The following SEMA3D variants were observed in gnomAD, a reference collection of about 807,000 sequenced individuals.
SEMA3D encodes the protein semaphorin-3D.
In SEMA3D, 84 loss-of-function variants were observed where a neutral mutation model predicts 100.1. The ratio of observed to expected loss-of-function variants is 0.84; its 90% CI spans 0.70 to 1.01. The LOEUF is 1.01. Among genes scored for constraint, SEMA3D ranks in the 50% least tolerant of loss-of-function variants. The pLI is 0.00. For synonymous variants in SEMA3D, 312 were observed against 320.7 expected (o/e 0.97, Z 0.29); for missense variants, 875 against 934.1 (o/e 0.94, Z 0.82).
At chr7:85,007,304 A>G (rs1435378481) in intron 17 of SEMA3D, among the ~76,000 whole-genome samples, 1 of 151,812 alleles carries the variant, frequency 6.6e-6, no homozygotes, top group Admixed American at 6.6e-5. Context: ...AATATAAACA[A>G]TTTTGTAGAT....
intron 2 of SEMA3D, among the ~76,000 whole-genome samples, chr7:85,136,918 G>A (rs368761866): frequency 1.4e-4 from 21 of 152,120 alleles, no homozygotes; most frequent in African/African-American, 4.8e-4. Flanking sequence ...TTATTTTCAG[G>A]AATTCAATTA....
intron 1 of SEMA3D, chr7:85,163,214 C>T (rs1583981053): frequency 6.6e-6 from 1 of 152,418 alleles, no homozygotes; most frequent in East Asian, 1.9e-4. Flanking sequence ...GTTCCACATT[C>T]TATCTTGACA....
intron 9 of SEMA3D, among the ~76,000 whole-genome samples, chr7:85,055,095 TC>T (rs1791271169): frequency 1.3e-5 from 2 of 152,062 alleles, no homozygotes; most frequent in Admixed American, 1.3e-4. Context: ...TCATTTTCTC[TC>T]AGAACCTAAA....
At chr7:85,016,131 TG>T (rs1790093210) in intron 15 of SEMA3D, among the ~76,000 whole-genome samples, 1 of 151,804 alleles carries the variant, frequency 6.6e-6, no homozygotes, top group African/African-American at 2.4e-5. Context: ...GTTTAGTATT[TG>T]TTTTACTGAA....
At chr7:85,032,232 A>G (rs376963469) in intron 12 of SEMA3D, among the ~76,000 whole-genome samples, 35 of 152,004 alleles carry the variant, frequency 2.3e-4, no homozygotes, top group African/African-American at 8.0e-4. Context: ...TATAATTTCA[A>G]TGATTTAATG....
intron 1 of SEMA3D, among the ~76,000 whole-genome samples, chr7:85,167,014 A>G (rs73379862): frequency 6.6e-6 from 1 of 152,090 alleles, no homozygotes; most frequent in African/African-American, 2.4e-5. Flanking sequence ...ACAAACTTTA[A>G]TTGAAAAAAT....
intron 2 of SEMA3D, among the ~76,000 whole-genome samples, chr7:85,138,145 T>C (rs1789917068): frequency 1.3e-5 from 2 of 152,166 alleles, no homozygotes; most frequent in Non-Finnish European, 2.9e-5. Context: ...AAATGTTTAG[T>C]AGACAGATAA....
In SEMA3D at chr7:85,073,042, T is replaced by C. The variant is rs768986154; in HGVS notation, c.415A>G (p.Asn139Asp). 6.2e-6 allele frequency: 10 copies of C among 1,612,830 alleles called. No homozygotes were observed. The South Asian group carries it at 9.9e-5, about 16-fold the overall frequency. Reference sequence around the variant, plus strand: ...CCACACACATATATGTGAGTTTTGTTATAGGGCTGAAGTACTCTGATGAAA... The same window carrying C: ...CCACACACATATATGTGAGTTTTGTCATAGGGCTGAAGTACTCTGATGAAA... The part of the protein sequence containing the change: ...ANFIRVLQPY[N>D]KTHIYVCGTG... The change falls in exon 6 of 19, where the codon AAC (asparagine) becomes GAC (aspartate). Residue 139 changes from asparagine (N) to aspartate (D), a missense_variant. Transcript: ENST00000284136.
intron 1 of SEMA3D, among the ~76,000 whole-genome samples, chr7:85,165,289 C>T (rs1395624868): frequency 1.4e-5 from 2 of 141,924 alleles, no homozygotes; most frequent in Non-Finnish European, 3.1e-5. Context: ...AAAAAAAAAA[C>T]TTCTAGAGTG....
intron 18 of SEMA3D, among the ~76,000 whole-genome samples, chr7:85,003,547 C>T (rs1418011223): frequency 1.3e-5 from 2 of 151,718 alleles, no homozygotes; most frequent in Non-Finnish European, 2.9e-5. Context: ...CTATATAAAA[C>T]ATAAAATGTG....
At chr7:85,108,487 G>T (rs955283716) in intron 3 of SEMA3D, among the ~76,000 whole-genome samples, 8 of 152,040 alleles carry the variant, frequency 5.3e-5, no homozygotes, top group African/African-American at 1.7e-4. Flanking sequence ...GGTGTAACAT[G>T]CATTCGAGGA....
chr7:85,168,837 G>GAAAT (rs1196131192), intron 1 of SEMA3D, among the ~76,000 whole-genome samples: 1 of 56,476 alleles, frequency 1.8e-5, no homozygotes, highest in Non-Finnish European at 3.6e-5. Flanking sequence ...AAGAAAGAAA[G>GAAAT]AAAGAAAGAA....
chr7:85,120,266 T>C (rs1789370410), intron 3 of SEMA3D, among the ~76,000 whole-genome samples: 1 of 152,182 alleles, frequency 6.6e-6, no homozygotes, highest in Non-Finnish European at 1.5e-5. Flanking sequence ...GCCTAAACCT[T>C]ACCAAAACTG....
intron 2 of SEMA3D, chr7:85,140,336 A>G: frequency 1.2e-5 from 12 of 982,522 alleles, no homozygotes; most frequent in Non-Finnish European, 1.5e-5. Flanking sequence ...ATTAGAAATC[A>G]TATAAGTTAA....
intron 4 of SEMA3D, among the ~76,000 whole-genome samples, chr7:85,086,291 G>A (rs1459533718): frequency 6.6e-6 from 1 of 151,958 alleles, no homozygotes; most frequent in Non-Finnish European, 1.5e-5. Flanking sequence ...ATTATGATTT[G>A]TGGTGGATTT....
At chr7:85,029,572 T>C (rs182808827) in intron 12 of SEMA3D, 5 of 522,876 alleles carry the variant, frequency 9.6e-6, no homozygotes, top group Admixed American at 7.8e-5. Context: ...TTCAAGTCCA[T>C]GATAACCAAA....
intron 2 of SEMA3D, among the ~76,000 whole-genome samples, chr7:85,150,441 GAT>G (rs1202578900): frequency 3.1e-5 from 4 of 128,504 alleles, no homozygotes; most frequent in African/African-American, 1.2e-4. Flanking sequence ...TATTTACAGG[GAT>G]ATATATATAC....
intron 11 of SEMA3D, among the ~76,000 whole-genome samples, chr7:85,037,873 T>A (rs937592037): frequency 6.6e-6 from 1 of 152,070 alleles, no homozygotes; most frequent in Non-Finnish European, 1.5e-5. Flanking sequence ...ATTCCCATTT[T>A]CAAAAATGAG....
At position 85,158,410 on chromosome 7, in the gene SEMA3D, G is replaced by A. The variant is rs182822830; in HGVS notation, c.-172-4671C>T. On this transcript the variant is annotated intron_variant, in intron 1 of 18. Coordinates refer to ENST00000284136, the MANE Select transcript of SEMA3D (RefSeq NM_001384900.1). ...ATAGCTGTGGAATGAAATAAGCCCC[G>A]GTCTCCTGTAGCGCTCCTAGGCTTA... Among the ~76,000 whole-genome samples, 14 of 152,200 alleles carry A rather than the reference G, an allele frequency of 9.2e-5. No individual in the cohort carries two copies. The East Asian group carries it at 1.9e-3, about 21-fold the overall frequency.
Sources: gnomAD v4.1 joint callset for allele counts (sites outside exome capture counted in the v4.1 genomes callset) on GRCh38, gnomAD v4.1.1 for gene constraint, MANE v1.5 for transcripts, NCBI Gene and HGNC (gene_info 2026-07-23, HGNC 2026-07-21) for gene names.